PTPRD: variants seen among roughly 807,000 people sequenced by gnomAD.
PTPRD encodes the protein receptor-type tyrosine-protein phosphatase delta.
A neutral mutation model predicts 214.5 loss-of-function variants in PTPRD; 34 were observed. That is an observed-to-expected ratio of 0.16 (90% confidence interval 0.12 to 0.21). The LOEUF is 0.21. Among genes scored for constraint, PTPRD ranks in the 10% least tolerant of loss-of-function variants. The pLI, the probability that PTPRD is intolerant of heterozygous loss-of-function variation, is 1.00. For missense variants in PTPRD, 2,545 were observed against 2,398.7 expected, an observed-to-expected ratio of 1.06 and a Z score of -1.27; for synonymous variants, 1,128 against 845.7, an observed-to-expected ratio of 1.33 and a Z score of -5.79.
chr9:10,278,922 A>G (rs12686069), intron 3 of PTPRD, among the ~76,000 whole-genome samples: 1 of 151,790 alleles, frequency 6.6e-6, no homozygotes, highest in African/African-American at 2.4e-5. Context: ...CTACAGGCAC[A>G]CACCACCACG....
chr9:10,418,821 T>C (rs1231741368), intron 2 of PTPRD, among the ~76,000 whole-genome samples: 1 of 151,852 alleles, frequency 6.6e-6, no homozygotes, highest in Non-Finnish European at 1.5e-5. Flanking sequence ...ACAACAGAGA[T>C]AAACAGCAGA....
chr9:9,309,011 A>G (rs1315665720), intron 9 of PTPRD, among the ~76,000 whole-genome samples: 1 of 152,126 alleles, frequency 6.6e-6, no homozygotes, highest in Non-Finnish European at 1.5e-5. Context: ...GTGATATATT[A>G]AAACAAATCA....
At chr9:10,235,003 G>GAT (rs146414523) in intron 3 of PTPRD, among the ~76,000 whole-genome samples, 20,035 of 150,758 alleles carry the variant, frequency 0.13, 1,465 homozygotes, top group East Asian at 0.31. Context: ...TATATATAAG[G>GAT]ATATATATAT....
At chr9:8,656,414 A>G (rs2096910340) in intron 12 of PTPRD, among the ~76,000 whole-genome samples, 1 of 152,174 alleles carries the variant, frequency 6.6e-6, no homozygotes, top group Non-Finnish European at 1.5e-5. Context: ...CCAATCGAAT[A>G]TCATTTCTAA....
At chr9:10,519,199 T>C (rs1276333315) in intron 2 of PTPRD, among the ~76,000 whole-genome samples, 3 of 127,306 alleles carry the variant, frequency 2.4e-5, no homozygotes, top group Non-Finnish European at 4.7e-5. Flanking sequence ...ACACAAAAAA[T>C]CTAGGTCATT....
intron 11 of PTPRD, among the ~76,000 whole-genome samples, chr9:8,877,611 CTATTT>C (rs1370395611): frequency 6.6e-6 from 1 of 152,088 alleles, no homozygotes; most frequent in Non-Finnish European, 1.5e-5. Flanking sequence ...ATATTTGCTT[CTATTT>C]ACAAAATGAT....
At chr9:8,393,129 C>T (rs1292803205) in intron 36 of PTPRD, among the ~76,000 whole-genome samples, 1 of 152,110 alleles carries the variant, frequency 6.6e-6, no homozygotes, top group Non-Finnish European at 1.5e-5. Context: ...CATTCTTCCA[C>T]TTTTTGGGGG....
chr9:9,745,540 G>A (rs764962218), intron 6 of PTPRD, among the ~76,000 whole-genome samples: 4 of 152,078 alleles, frequency 2.6e-5, no homozygotes, highest in Non-Finnish European at 5.9e-5. Flanking sequence ...CCCTTCAGCT[G>A]TGTTCCCATG....
intron 15 of PTPRD, 22 bp from the exon 16 acceptor site, chr9:8,527,375 G>A: frequency 6.2e-7 from 1 of 1,603,992 alleles, no homozygotes; most frequent in Non-Finnish European, 8.5e-7. Flanking sequence ...AATACGGAGA[G>A]AAGAAAGACA....
intron 2 of PTPRD, among the ~76,000 whole-genome samples, chr9:10,569,178 C>T (rs1390821099): frequency 6.6e-6 from 1 of 152,106 alleles, no homozygotes; most frequent in Non-Finnish European, 1.5e-5. Flanking sequence ...AAATGCTCAT[C>T]ATCACTGGCC....
chr9:8,956,212 T>C (rs1360205622), intron 11 of PTPRD, among the ~76,000 whole-genome samples: 1 of 151,824 alleles, frequency 6.6e-6, no homozygotes, highest in Admixed American at 6.6e-5. Flanking sequence ...ATATTTTTCT[T>C]GAAGAATACA....
At chr9:10,084,893 T>C (rs1012637301) in intron 3 of PTPRD, among the ~76,000 whole-genome samples, 7 of 151,914 alleles carry the variant, frequency 4.6e-5, no homozygotes, top group African/African-American at 1.4e-4. Context: ...AACCCTAGCA[T>C]ACATAGAAGA....
At chr9:9,925,665 A>C (rs544288025) in intron 5 of PTPRD, among the ~76,000 whole-genome samples, 7 of 152,184 alleles carry the variant, frequency 4.6e-5, no homozygotes, top group African/African-American at 1.7e-4. Context: ...TGCATAACTA[A>C]ACTGAGATTA....
In PTPRD at chr9:8,746,925, CT is replaced by C. The variant is rs368864158; in HGVS notation, c.-103-12980del. On this transcript the variant is annotated intron_variant, in intron 11 of 45. Transcript: ENST00000381196. ...ATTTCAAAGTAGAGGAGTAGTCATT[CT>C]AAAATGAGTAGGAATAGGTTCAGGA... Among the ~76,000 whole-genome samples the C allele has an allele frequency of 3.7e-4, 56 of 152,254 alleles. 1 individual carries two copies. In the South Asian group the frequency reaches 8.9e-3, roughly 24 times the overall value.
At chr9:8,885,210 A>C (rs990595537) in intron 11 of PTPRD, among the ~76,000 whole-genome samples, 3 of 152,042 alleles carry the variant, frequency 2.0e-5, no homozygotes, top group Non-Finnish European at 2.9e-5. Flanking sequence ...TTACTTATTC[A>C]CCATTCTGCA....
intron 10 of PTPRD, among the ~76,000 whole-genome samples, chr9:9,113,407 C>A (rs542260941): frequency 1.5e-4 from 23 of 152,122 alleles, no homozygotes; most frequent in African/African-American, 5.5e-4. Flanking sequence ...AGAGTGTTGT[C>A]CTAAAGGAGT....
chr9:8,668,930 G>C (rs549254174), intron 12 of PTPRD, among the ~76,000 whole-genome samples: 7 of 152,254 alleles, frequency 4.6e-5, no homozygotes, highest in African/African-American at 1.4e-4. Flanking sequence ...TACCAGAGCA[G>C]ATCCTGCTAC....
chr9:9,106,676 T>C (rs1476771513), intron 10 of PTPRD, among the ~76,000 whole-genome samples: 2 of 148,112 alleles, frequency 1.4e-5, no homozygotes, highest in Non-Finnish European at 3.0e-5. Flanking sequence ...AATAGGTGTA[T>C]AATTTGCCAA....
intron 7 of PTPRD, among the ~76,000 whole-genome samples, chr9:9,608,223 G>A (rs2094304018): frequency 6.6e-6 from 1 of 152,168 alleles, no homozygotes; most frequent in African/African-American, 2.4e-5. Flanking sequence ...GTGCTTTCAA[G>A]AGTCAGTTAC....
Sources: gnomAD v4.1 joint callset for allele counts (sites outside exome capture counted in the v4.1 genomes callset) on GRCh38, gnomAD v4.1.1 for gene constraint, MANE v1.5 for transcripts, NCBI Gene and HGNC (gene_info 2026-07-23, HGNC 2026-07-21) for gene names.